PALS2: variants seen among roughly 807,000 people sequenced by gnomAD.
The protein encoded by PALS2 is protein PALS2.
In PALS2, 27 loss-of-function variants were observed where a neutral mutation model predicts 61.6. That is an observed-to-expected ratio of 0.44 (90% CI 0.32 to 0.60). The LOEUF is 0.60. Ranked by LOEUF, PALS2 falls within the 20% of genes least tolerant of loss-of-function variation. The pLI is 0.05. For missense variants in PALS2, 554 were observed against 639.4 expected (o/e 0.87, Z 1.44); for synonymous variants, 236 against 218.6 (o/e 1.08, Z -0.70).
intron 1 of PALS2, among the ~76,000 whole-genome samples, chr7:24,582,341 C>T (rs1782876733): frequency 6.6e-6 from 1 of 152,090 alleles, no homozygotes; most frequent in South Asian, 2.1e-4. Flanking sequence ...TAATTCTAGT[C>T]GCAGCTCATT....
intron 6 of PALS2, among the ~76,000 whole-genome samples, chr7:24,665,297 A>G (rs1786956184): frequency 6.6e-6 from 1 of 152,176 alleles, no homozygotes; most frequent in Admixed American, 6.6e-5. Context: ...TTAGAATAGC[A>G]TTTTCCTTTT....
chr7:24,617,625 A>C (rs1416282687), intron 1 of PALS2, among the ~76,000 whole-genome samples: 1 of 152,156 alleles, frequency 6.6e-6, no homozygotes, highest in Non-Finnish European at 1.5e-5. Flanking sequence ...TTCAGCAGTA[A>C]TCAATTTTAG....
At chr7:24,639,415 C>T (rs1460710824) in intron 2 of PALS2, among the ~76,000 whole-genome samples, 3 of 151,834 alleles carry the variant, frequency 2.0e-5, no homozygotes, top group Non-Finnish European at 4.4e-5. Context: ...TACACACACA[C>T]ACACACACAC....
At chr7:24,587,017 T>A (rs1250092000) in intron 1 of PALS2, among the ~76,000 whole-genome samples, 1 of 142,948 alleles carries the variant, frequency 7.0e-6, no homozygotes, top group Non-Finnish European at 1.5e-5. Flanking sequence ...TAAACCCTGG[T>A]CTTGTTTAAA....
intron 1 of PALS2, among the ~76,000 whole-genome samples, chr7:24,605,637 A>G (rs1783871745): frequency 6.6e-6 from 1 of 152,194 alleles, no homozygotes; most frequent in African/African-American, 2.4e-5. Context: ...GAATAGGTCT[A>G]TAAACACATA....
rs1447246796 is a variant in PALS2 at position 24,694,001 on chromosome 7, A to C, written c.*6387A>C. 6.8e-6 allele frequency: 1 copy of C among 147,804 alleles called. No individual in the cohort carries two copies. Among genetic ancestry groups the C allele is most frequent in the African/African-American group, 2.5e-5 (1 of 40,558 alleles). The allele number at this position is 147,804 out of a possible 1,614,324, so 9.2% of individuals were successfully genotyped here. On this transcript the variant is annotated 3_prime_UTR_variant, in exon 12 of 12. Coordinates refer to ENST00000222644, the MANE Select transcript of PALS2 (RefSeq NM_001303037.2). ...GAAGTAACTGTAGAAGAGAATCTTT[A>C]AAAAAAAAAATGGAGGGCAGAATGC...
intron 2 of PALS2, among the ~76,000 whole-genome samples, chr7:24,633,396 A>T (rs978833653): frequency 2.9e-5 from 3 of 104,074 alleles, no homozygotes; most frequent in Non-Finnish European, 5.6e-5. Flanking sequence ...ATTTCACTCT[A>T]TTCTCTGCTT....
At chr7:24,684,044 C>G (rs373479636) in intron 11 of PALS2, among the ~76,000 whole-genome samples, 3 of 152,144 alleles carry the variant, frequency 2.0e-5, no homozygotes, top group African/African-American at 7.2e-5. Flanking sequence ...AACAGTCCCC[C>G]CAACTGCCCA....
chr7:24,687,751 A>G lies in PALS2; in HGVS notation c.*137A>G, dbSNP rs1361298279. 4 of 750,942 alleles carry G rather than the reference A, an allele frequency of 5.3e-6. No individual in the cohort carries two copies. The African/African-American group carries it at 7.4e-5, about 14-fold the overall frequency. The allele number at this position is 750,942 out of a possible 1,614,324, so 46.5% of individuals were successfully genotyped here. A position where few individuals can be genotyped will look rare whatever the true frequency, so the allele number is the denominator to read the frequency against. On this transcript the variant is annotated 3_prime_UTR_variant, in exon 12 of 12. Coordinates refer to ENST00000222644, the MANE Select transcript of PALS2 (RefSeq NM_001303037.2). The surrounding 1 kb of genome is among the most constrained non-coding windows in gnomAD (Gnocchi z 4.5). ...CATTTTTATGGTGTAGATTGAAATA[A>G]TAGTACACTTCTGAATTTTTATATA...
Position 24,691,412 on chromosome 7 carries a change from T to C in PALS2, c.*3798T>C, listed in dbSNP as rs1429558234. On this transcript the variant is annotated 3_prime_UTR_variant, in exon 12 of 12. Transcript: ENST00000222644. ...GTATGTGTGTGTGTGTGTGTATATA[T>C]ATATATATATATATATATATATATA... 2.1e-5 allele frequency: 2 copies of C among 95,524 alleles called. No homozygotes were observed. The highest frequency in any genetic ancestry group is 4.8e-5 in the Non-Finnish European group (2 of 41,416). The allele number at this position is 95,524 out of a possible 1,614,324, so 5.9% of individuals were successfully genotyped here. A position where few individuals can be genotyped will look rare whatever the true frequency, so the allele number is the denominator to read the frequency against.
chr7:24,642,497 A>G (rs997318063), intron 3 of PALS2, among the ~76,000 whole-genome samples: 1 of 152,190 alleles, frequency 6.6e-6, no homozygotes, highest in African/African-American at 2.4e-5. Context: ...CTCATTGAAA[A>G]GAATGGAAAT....
At chr7:24,599,337 A>G (rs1035582003) in intron 1 of PALS2, among the ~76,000 whole-genome samples, 4 of 152,166 alleles carry the variant, frequency 2.6e-5, no homozygotes, top group African/African-American at 9.7e-5. Flanking sequence ...ACTGTAGACT[A>G]TAAGAAATTT....
chr7:24,643,374 T>G (rs1048221924), intron 3 of PALS2, among the ~76,000 whole-genome samples: 1 of 152,192 alleles, frequency 6.6e-6, no homozygotes, highest in African/African-American at 2.4e-5. Context: ...ATTGCTTTTC[T>G]TCTACCCAGA....
At position 24,666,104 on chromosome 7, in the gene PALS2, CT is replaced by C. The variant is rs780004965; in HGVS notation, c.952+20del. The C allele has an allele frequency of 4.9e-5, 78 of 1,595,488 alleles. No individual in the cohort carries two copies. The South Asian group carries it at 6.2e-4, about 13-fold the overall frequency. On this transcript the variant is annotated intron_variant, in intron 8 of 11. Transcript: ENST00000222644. ...CAGAAATGCAGGTAGGTTTTAAATA[CT>C]TTTTGAGAAGTCCAAGTGAAGTAGC...
At chr7:24,599,525 T>C (rs2097952) in intron 1 of PALS2, among the ~76,000 whole-genome samples, 4 of 143,624 alleles carry the variant, frequency 2.8e-5, no homozygotes, top group Admixed American at 2.7e-4. Context: ...TTTTTTTTTT[T>C]ATGGAGTCTT....
chr7:24,676,900 G>A lies in PALS2; in HGVS notation c.1115-2231G>A, dbSNP rs546143153. Among the ~76,000 whole-genome samples, 15 of 151,020 alleles carry A rather than the reference G, an allele frequency of 9.9e-5. 1 individual carries two copies. The highest frequency in any genetic ancestry group is 5.9e-4 in the Admixed American group (9 of 15,226). On this transcript the variant is annotated intron_variant, in intron 9 of 11. Transcript: ENST00000222644. ...ATATGAACTTTAAAGTAGTTTTTTC[G>A]AATTCTGTGAAGAAAGGCATTGGTA...
In PALS2 at chr7:24,585,592, G is replaced by A. The variant is rs561844549; in HGVS notation, c.-3+11999G>A. On this transcript the variant is annotated intron_variant, in intron 1 of 11. Coordinates refer to ENST00000222644, the MANE Select transcript of PALS2 (RefSeq NM_001303037.2). ...TTCCACCCTTGATAATTTCATGCCA[G>A]TACTCATCAGAATGGAACACTGACT... Among the ~76,000 whole-genome samples the A allele has an allele frequency of 5.3e-5, 8 of 151,140 alleles. No individual in the cohort carries two copies. In the South Asian group the frequency reaches 1.7e-3, roughly 31 times the overall value.
intron 5 of PALS2, among the ~76,000 whole-genome samples, chr7:24,661,563 C>T (rs1350612762): frequency 6.6e-6 from 1 of 152,166 alleles, no homozygotes; most frequent in Non-Finnish European, 1.5e-5. Flanking sequence ...TGCTATTCTT[C>T]AATCACTGCA....
chr7:24,686,480 C>T (rs2128037708), intron 11 of PALS2, among the ~76,000 whole-genome samples: 1 of 152,286 alleles, frequency 6.6e-6, no homozygotes, highest in Non-Finnish European at 1.5e-5. Flanking sequence ...GCTGTTTCCT[C>T]TGCCTGAATG....
Sources: gnomAD v4.1 joint callset for allele counts (sites outside exome capture counted in the v4.1 genomes callset) on GRCh38, gnomAD v4.1.1 for gene constraint, Gnocchi (gnomAD v3.1) non-coding constraint, MANE v1.5 for transcripts, NCBI Gene and HGNC (gene_info 2026-07-23, HGNC 2026-07-21) for gene names.